The following INPP5F variants were observed in gnomAD, a reference collection of about 807,000 sequenced individuals.
INPP5F encodes phosphatidylinositide 4-phosphatase SAC2.
INPP5F carries 97 observed loss-of-function variants against 137.2 expected under a neutral mutation model. The observed-to-expected ratio is 0.71, with a 90% CI of 0.60 to 0.84. The LOEUF is 0.84. Ranked by LOEUF, INPP5F falls within the 40% of genes least tolerant of loss-of-function variation. The pLI is 0.00. For missense variants in INPP5F, 1,271 were observed against 1,371.9 expected, an observed-to-expected ratio of 0.93 and a Z score of 1.16; for synonymous variants, 504 against 476.9, an observed-to-expected ratio of 1.06 and a Z score of -0.74.
chr10:119,818,689 A>G (rs898287840), intron 15 of INPP5F: 1 of 152,344 alleles, frequency 6.6e-6, no homozygotes, highest in Non-Finnish European at 1.5e-5. Flanking sequence ...CCTGGGCGTG[A>G]CTTGGCACTG....
In INPP5F at chr10:119,806,353, TA is replaced by T; in HGVS notation, c.1320-2del. The T allele has an allele frequency of 1.3e-6, 2 of 1,511,898 alleles. No homozygotes were observed. The highest frequency in any genetic ancestry group is 1.8e-6 in the Non-Finnish European group (2 of 1,124,886). 93.7% of individuals were successfully genotyped at this position (1,511,898 alleles called of 1,614,324 possible). A position where few individuals can be genotyped will look rare whatever the true frequency, so the allele number is the denominator to read the frequency against. On this transcript the variant is annotated splice_polypyrimidine_tract_variant and splice_region_variant and intron_variant, in intron 11 of 19. Transcript: ENST00000650623. ...TTGTAAAATAATTCTGTATTATTTT[TA>T]AAAAGGGTTGATGAAGCTGGGGTAA...
intron 2 of INPP5F, among the ~76,000 whole-genome samples, chr10:119,756,861 GC>G (rs1848861233): frequency 5.5e-5 from 3 of 54,728 alleles, no homozygotes; most frequent in Non-Finnish European, 3.4e-5. Context: ...AGCAAGCTCT[GC>G]CACAAAAAAA....
At chr10:119,809,836 C>G (rs1850958064) in intron 13 of INPP5F, among the ~76,000 whole-genome samples, 1 of 152,144 alleles carries the variant, frequency 6.6e-6, no homozygotes, top group Non-Finnish European at 1.5e-5. Flanking sequence ...TCTAGAAATT[C>G]TACAAATTGC....
chr10:119,827,772 C>A lies in INPP5F; in HGVS notation c.3391C>A (p.Gln1131Lys), dbSNP rs768337012. The A allele has an allele frequency of 1.3e-6, 2 of 1,597,490 alleles. No individual in the cohort carries two copies. Among genetic ancestry groups the A allele is most frequent in the South Asian group, 1.1e-5 (1 of 88,296 alleles). The stretch of plus-strand genomic sequence containing the variant: ...TATACAATGCCAGACACGGATAATT[C>A]AGATTTAGCTTTTAGCCATAAGAAT... Reference protein sequence around the residue: ...MFIQCQTRIIQI With the variant: ...MFIQCQTRIIKI Residue 1131 changes from glutamine to lysine, a missense_variant, in exon 20 of 20, where the codon CAG (glutamine) becomes AAG (lysine). This residue lies in a region of INPP5F where 490 missense variants were observed against 443.7 expected (regional missense o/e 1.10). Transcript: ENST00000650623.
intron 16 of INPP5F, 103 bp downstream of exon 16, chr10:119,821,020 T>G: frequency 1.4e-6 from 1 of 733,102 alleles, no homozygotes. Context: ...ATGGTTTTGT[T>G]ATGTATTTTA....
intron 7 of INPP5F, 140 bp downstream of exon 7, chr10:119,797,053 A>G: frequency 2.4e-6 from 2 of 823,524 alleles, no homozygotes; most frequent in South Asian, 1.6e-5. Context: ...AAATACTGTG[A>G]TGTAATTGGG....
At chr10:119,734,915 G>A (rs768691775) in intron 1 of INPP5F, among the ~76,000 whole-genome samples, 9 of 152,116 alleles carry the variant, frequency 5.9e-5, no homozygotes, top group South Asian at 2.1e-4. Context: ...ATCATTATGT[G>A]TCAGCTGCCC....
At chr10:119,736,108 A>C (rs1485722800) in intron 1 of INPP5F, among the ~76,000 whole-genome samples, 1 of 152,240 alleles carries the variant, frequency 6.6e-6, no homozygotes, top group Non-Finnish European at 1.5e-5. Context: ...CTTGTTTTTG[A>C]AAGTGATATC....
chr10:119,738,998 A>AT (rs2134108016), intron 1 of INPP5F, among the ~76,000 whole-genome samples: 1 of 148,964 alleles, frequency 6.7e-6, no homozygotes, highest in African/African-American at 2.5e-5. Flanking sequence ...GCTGGGCAAT[A>AT]TAGATAGACC....
At chr10:119,744,398 T>C (rs1848466345) in intron 1 of INPP5F, among the ~76,000 whole-genome samples, 1 of 152,220 alleles carries the variant, frequency 6.6e-6, no homozygotes. Flanking sequence ...CATCTGCTTC[T>C]CTTCTCCATT....
chr10:119,742,286 C>G (rs891423527), intron 1 of INPP5F, among the ~76,000 whole-genome samples: 1 of 151,814 alleles, frequency 6.6e-6, no homozygotes, highest in South Asian at 2.1e-4. Flanking sequence ...TCCCGAGTAG[C>G]TGGGATTACA....
chr10:119,796,093 G>GGGGAGA (rs945120061), intron 6 of INPP5F, among the ~76,000 whole-genome samples: 2 of 150,380 alleles, frequency 1.3e-5, no homozygotes, highest in South Asian at 2.1e-4. Context: ...GGAGGGGGAG[G>GGGGAGA]GGGAGAGGGA....
intron 1 of INPP5F, among the ~76,000 whole-genome samples, chr10:119,737,143 C>G (rs1382557962): frequency 1.3e-5 from 2 of 152,132 alleles, no homozygotes; most frequent in Admixed American, 6.6e-5. Flanking sequence ...AATTAAGTTT[C>G]TTTTCTAGGT....
At chr10:119,822,607 A>T in intron 17 of INPP5F, 103 bp downstream of exon 17, 1 of 580,746 alleles carries the variant, frequency 1.7e-6, no homozygotes, top group African/African-American at 1.9e-5. Context: ...TTCACCTACA[A>T]ATGCTTTTCT....
chr10:119,805,552 A>G (rs1229581169), intron 11 of INPP5F, 91 bp downstream of exon 11: 5 of 904,810 alleles, frequency 5.5e-6, no homozygotes, highest in South Asian at 1.4e-5. Context: ...ATGCAGAGAC[A>G]GCATTTTTTT....
In INPP5F at chr10:119,826,635, A is replaced by G; in HGVS notation, c.2254A>G (p.Ser752Gly). ...TTTTTCTCTTCTAATTTGTAGGAAG[A>G]GCAGTAAACCTCACGAAGACATCAT... The part of the protein sequence containing the change: ...PIIEKKLERK[S>G]SKPHEDIIGI... The change falls in exon 20 of 20, where the codon AGC (serine) becomes GGC (glycine). Residue 752 changes from serine to glycine, a missense_variant. Transcript: ENST00000650623. 2 of 1,569,386 alleles carry G rather than the reference A, an allele frequency of 1.3e-6. No individual in the cohort carries two copies. Among genetic ancestry groups the G allele is most frequent in the East Asian group, 2.2e-5 (1 of 44,540 alleles).
chr10:119,764,282 A>ATTAG (rs1849089374), intron 2 of INPP5F, among the ~76,000 whole-genome samples: 1 of 152,164 alleles, frequency 6.6e-6, no homozygotes, highest in South Asian at 2.1e-4. Context: ...CAAAATCTCG[A>ATTAG]TTAGGGCTTT....
In INPP5F at chr10:119,749,336, C is replaced by T. The variant is rs970846817; in HGVS notation, c.98-1740C>T. ...TCCATGGAGGGCGCAGCCCTGGCCG[C>T]GCCTCCCCGGATGCATCCAGACAGG... On this transcript the variant is annotated intron_variant, in intron 1 of 19. Transcript: ENST00000650623. Among the ~76,000 whole-genome samples, 7 of 152,364 alleles carry T rather than the reference C, an allele frequency of 4.6e-5. No individual in the cohort carries two copies. In the East Asian group the frequency reaches 9.6e-4, roughly 21 times the overall value.
intron 12 of INPP5F, among the ~76,000 whole-genome samples, chr10:119,807,657 A>T (rs746737600): frequency 6.6e-5 from 10 of 152,260 alleles, no homozygotes; most frequent in Non-Finnish European, 1.3e-4. Flanking sequence ...CTTCATAGGC[A>T]AATTTAAAAC....
Sources: gnomAD v4.1 joint callset for allele counts (sites outside exome capture counted in the v4.1 genomes callset) on GRCh38, gnomAD v4.1.1 for gene constraint, gnomAD v4.1.1 regional missense constraint, MANE v1.5 for transcripts, NCBI Gene and HGNC (gene_info 2026-07-23, HGNC 2026-07-21) for gene names.